The following LYN variants were observed in gnomAD, a reference collection of about 807,000 sequenced individuals.
LYN encodes the protein LYN proto-oncogene, Src family tyrosine kinase, also known as tyrosine-protein kinase Lyn.
A neutral mutation model predicts 65.0 loss-of-function variants in LYN; 12 were observed. That is an observed-to-expected ratio of 0.18 (90% confidence interval 0.12 to 0.30). The LOEUF (loss-of-function observed/expected upper bound fraction) is 0.30. Ranked by LOEUF, LYN falls within the 10% of genes least tolerant of loss-of-function variation. The probability of loss-of-function intolerance (pLI) is 1.00; values close to 1 mark genes in which losing one functional copy is unlikely to be tolerated. For missense variants in LYN, 380 were observed against 623.2 expected (o/e 0.61, Z 4.16); for synonymous variants, 222 against 221.2 (o/e 1.00, Z -0.03).
chr8:55,982,871 C>T (rs894132264), intron 10 of LYN, among the ~76,000 whole-genome samples: 3 of 152,060 alleles, frequency 2.0e-5, no homozygotes, highest in Non-Finnish European at 2.9e-5. Flanking sequence ...CTCCTGCAGC[C>T]GCTCCAGCCC....
At chr8:55,880,309 G>C (rs1161076791) in intron 1 of LYN, among the ~76,000 whole-genome samples, 1 of 151,978 alleles carries the variant, frequency 6.6e-6, no homozygotes, top group Admixed American at 6.6e-5. Flanking sequence ...ACGGGTGACC[G>C]GGCCCGGGGG....
At chr8:55,923,970 T>C (rs773966262) in intron 1 of LYN, among the ~76,000 whole-genome samples, 1 of 152,112 alleles carries the variant, frequency 6.6e-6, no homozygotes, top group Non-Finnish European at 1.5e-5. Context: ...TCAAATGGGA[T>C]GTGTACACCC....
intron 1 of LYN, among the ~76,000 whole-genome samples, chr8:55,928,860 A>T (rs1198334289): frequency 2.0e-5 from 3 of 152,066 alleles, no homozygotes; most frequent in African/African-American, 7.2e-5. Flanking sequence ...ACCCAAGGTC[A>T]TCTAGCTTTT....
chr8:55,934,813 A>G (rs1267331965), intron 1 of LYN, among the ~76,000 whole-genome samples: 1 of 152,210 alleles, frequency 6.6e-6, no homozygotes, highest in Non-Finnish European at 1.5e-5. Context: ...TCAATAGTCA[A>G]AGTGAATGGA....
intron 12 of LYN, among the ~76,000 whole-genome samples, chr8:56,003,164 G>A (rs866147096): frequency 1.1e-4 from 16 of 150,782 alleles, no homozygotes; most frequent in East Asian, 2.0e-4. Context: ...GGTTCACGCC[G>A]TTCTCTTGCC....
At chr8:55,919,864 G>A (rs978498463) in intron 1 of LYN, among the ~76,000 whole-genome samples, 2 of 151,340 alleles carry the variant, frequency 1.3e-5, no homozygotes. Flanking sequence ...GCTGCTTGGA[G>A]GCAACTTTAT....
Position 55,985,319 on chromosome 8 carries a change from G to GC in LYN, c.1051-13022dup, listed in dbSNP as rs201436721. ...CTTGCAGCCACACCCACCTGCTCTT[G>GC]CCCCCACATCCTTAGGTAAAGGAAA... On this transcript the variant is annotated intron_variant, in intron 10 of 12. Transcript: ENST00000519728. 7.5e-3 allele frequency among the ~76,000 whole-genome samples: 1,141 copies of GC among 152,178 alleles called. 8 individuals are homozygous for GC. The highest frequency in any genetic ancestry group is 0.02 in the Middle Eastern group (6 of 294).
At chr8:55,998,561 T>A in intron 11 of LYN, 62 bp downstream of exon 11, 1 of 1,523,106 alleles carries the variant, frequency 6.6e-7, no homozygotes, top group Non-Finnish European at 9.1e-7. Flanking sequence ...TTTTGTCTGT[T>A]TTTGACAAAG....
intron 1 of LYN, among the ~76,000 whole-genome samples, chr8:55,906,724 A>AG (rs1805432811): frequency 1.4e-5 from 2 of 143,680 alleles, no homozygotes; most frequent in African/African-American, 5.4e-5. Flanking sequence ...AAAAAGAAAA[A>AG]GAAAAAAAAA....
In LYN at chr8:56,012,247, C is replaced by T. The variant is rs1808840209; in HGVS notation, c.*2137C>T. 1 of 180,640 alleles carries T rather than the reference C, an allele frequency of 5.5e-6. No homozygotes were observed. The highest frequency in any genetic ancestry group is 1.2e-5 in the Non-Finnish European group (1 of 84,608). 11.2% of individuals were successfully genotyped at this position (180,640 alleles called of 1,614,324 possible). A position where few individuals can be genotyped will look rare whatever the true frequency, so the allele number is the denominator to read the frequency against. On this transcript the variant is annotated 3_prime_UTR_variant, in exon 13 of 13. Transcript: ENST00000519728. ...TTCCAGCCTCCCTGTGACAGACAGG[C>T]ATAATGAGGGGCTGAATAGGTGTTT...
intron 1 of LYN, among the ~76,000 whole-genome samples, chr8:55,921,053 A>C (rs56120708): frequency 0.096 from 14,690 of 152,234 alleles, 1,430 homozygotes; most frequent in African/African-American, 0.26. Flanking sequence ...ATCACAGATT[A>C]TCAGATAATG....
intron 1 of LYN, among the ~76,000 whole-genome samples, chr8:55,916,878 T>C (rs1304750611): frequency 6.6e-6 from 1 of 152,126 alleles, no homozygotes; most frequent in Non-Finnish European, 1.5e-5. Context: ...TTTTTTCTCT[T>C]TTTTAAAAAC....
chr8:56,009,900 C>T lies in LYN; in HGVS notation c.1337-8C>T. On this transcript the variant is annotated splice_polypyrimidine_tract_variant and splice_region_variant and intron_variant, in intron 12 of 12. Transcript: ENST00000519728. ...GGTTTCTGTTCTTTTTGTTTTTTTC[C>T]ACCCTAGGGAGAACTAATGCCGACG... 2 of 1,610,136 alleles carry T rather than the reference C, an allele frequency of 1.2e-6. No homozygotes were observed. The highest frequency in any genetic ancestry group is 1.7e-4 in the Middle Eastern group (1 of 5,998).
chr8:55,964,691 AC>A (rs1329617302), intron 8 of LYN, among the ~76,000 whole-genome samples: 2 of 152,222 alleles, frequency 1.3e-5, no homozygotes, highest in African/African-American at 4.8e-5. Flanking sequence ...ACATGGCAAA[AC>A]CCTGTCTCTC....
chr8:55,971,105 G>A (rs75299198), intron 10 of LYN, among the ~76,000 whole-genome samples: 4 of 152,170 alleles, frequency 2.6e-5, no homozygotes, highest in African/African-American at 9.7e-5. Context: ...AGCCTAACAG[G>A]TTCCTCATCT....
intron 1 of LYN, among the ~76,000 whole-genome samples, chr8:55,930,702 G>A (rs1187519620): frequency 6.6e-6 from 1 of 152,178 alleles, no homozygotes; most frequent in African/African-American, 2.4e-5. Flanking sequence ...TGGGGATGCG[G>A]CACGTGGTGG....
chr8:55,927,867 A>G (rs1806153732), intron 1 of LYN, among the ~76,000 whole-genome samples: 1 of 152,168 alleles, frequency 6.6e-6, no homozygotes, highest in African/African-American at 2.4e-5. Context: ...GAAAGCTGCT[A>G]TAAACATCTA....
At chr8:55,961,283 T>C (rs898481936) in intron 8 of LYN, among the ~76,000 whole-genome samples, 1 of 152,214 alleles carries the variant, frequency 6.6e-6, no homozygotes, top group African/African-American at 2.4e-5. Flanking sequence ...ACAAGACGCT[T>C]TTTACTAGCT....
intron 1 of LYN, among the ~76,000 whole-genome samples, chr8:55,885,793 G>C (rs766710298): frequency 6.6e-6 from 1 of 152,172 alleles, no homozygotes; most frequent in Non-Finnish European, 1.5e-5. Flanking sequence ...GGAGAGAAAA[G>C]GCCCCAGAGG....
Sources: gnomAD v4.1 joint callset for allele counts (sites outside exome capture counted in the v4.1 genomes callset) on GRCh38, gnomAD v4.1.1 for gene constraint, MANE v1.5 for transcripts, NCBI Gene and HGNC (gene_info 2026-07-23, HGNC 2026-07-21) for gene names.